The following CDKAL1 variants were observed in gnomAD, a reference collection of about 807,000 sequenced individuals.
CDKAL1 encodes the protein threonylcarbamoyladenosine tRNA methylthiotransferase.
In CDKAL1, 32 loss-of-function variants were observed where a neutral mutation model predicts 68.2. The observed-to-expected ratio is 0.47, with a 90% CI of 0.35 to 0.63. The LOEUF (loss-of-function observed/expected upper bound fraction) is 0.63. Among genes scored for constraint, CDKAL1 ranks in the 30% least tolerant of loss-of-function variants. The probability of loss-of-function intolerance (pLI) is 0.00; values close to 1 mark genes in which losing one functional copy is unlikely to be tolerated. For missense variants in CDKAL1, 606 were observed against 696.7 expected (o/e 0.87, Z 1.47); for synonymous variants, 234 against 244.3 (o/e 0.96, Z 0.39).
At chr6:20,647,881 T>C (rs1019262654) in intron 4 of CDKAL1, among the ~76,000 whole-genome samples, 1 of 151,714 alleles carries the variant, frequency 6.6e-6, no homozygotes, top group African/African-American at 2.4e-5. Flanking sequence ...TGATAAATAG[T>C]GTAAGTAGTT....
chr6:20,762,939 T>C (rs1049548865), intron 7 of CDKAL1, among the ~76,000 whole-genome samples: 2 of 152,204 alleles, frequency 1.3e-5, no homozygotes, highest in Non-Finnish European at 2.9e-5. Context: ...CCATGCATGC[T>C]GTACATTATA....
At chr6:20,685,177 C>G (rs1311990374) in intron 5 of CDKAL1, among the ~76,000 whole-genome samples, 1 of 152,114 alleles carries the variant, frequency 6.6e-6, no homozygotes, top group Non-Finnish European at 1.5e-5. Flanking sequence ...TAATTTTTGT[C>G]AAGAATGTAA....
At chr6:21,014,077 A>G (rs534866050) in intron 11 of CDKAL1, among the ~76,000 whole-genome samples, 3 of 152,310 alleles carry the variant, frequency 2.0e-5, no homozygotes, top group South Asian at 4.1e-4. Context: ...AGAAAGAGTT[A>G]AAGAAGTGTG....
chr6:20,746,207 A>G (rs969661183), intron 6 of CDKAL1, among the ~76,000 whole-genome samples: 2 of 152,096 alleles, frequency 1.3e-5, no homozygotes. Flanking sequence ...AGTTATTTTT[A>G]TCTCTAACTC....
chr6:20,627,956 A>G (rs1489095495), intron 4 of CDKAL1, among the ~76,000 whole-genome samples: 1 of 152,154 alleles, frequency 6.6e-6, no homozygotes, highest in East Asian at 1.9e-4. Context: ...ACCTTGCAGA[A>G]GTCACTTTAT....
chr6:20,742,959 T>C (rs1773520816), intron 6 of CDKAL1, among the ~76,000 whole-genome samples: 1 of 152,126 alleles, frequency 6.6e-6, no homozygotes, highest in South Asian at 2.1e-4. Context: ...AACAAAATTA[T>C]CTAAGTTTTA....
At chr6:20,908,381 A>G (rs1001593919) in intron 9 of CDKAL1, among the ~76,000 whole-genome samples, 4 of 152,226 alleles carry the variant, frequency 2.6e-5, no homozygotes, top group Non-Finnish European at 5.9e-5. Flanking sequence ...CATTGATTAA[A>G]AATGTCACAT....
chr6:20,758,446 G>A, intron 6 of CDKAL1, 149 bp from the exon 7 acceptor site: 1 of 585,758 alleles, frequency 1.7e-6, no homozygotes, highest in Non-Finnish European at 3.0e-6. Context: ...ATTAATATAG[G>A]ATATTTTTTA....
intron 9 of CDKAL1, among the ~76,000 whole-genome samples, chr6:20,876,555 T>C (rs1760528604): frequency 6.6e-6 from 1 of 152,202 alleles, no homozygotes; most frequent in African/African-American, 2.4e-5. Flanking sequence ...GTTAATATTT[T>C]TTCTTTGTGT....
intron 13 of CDKAL1, among the ~76,000 whole-genome samples, chr6:21,150,537 C>G (rs2446483): frequency 2.6e-5 from 4 of 152,160 alleles, no homozygotes; most frequent in Admixed American, 2.6e-4. Flanking sequence ...CAAATATAGC[C>G]AAAGCCTCCA....
chr6:20,580,153 A>AT (rs2127688140), intron 4 of CDKAL1, among the ~76,000 whole-genome samples: 1 of 152,284 alleles, frequency 6.6e-6, no homozygotes. Flanking sequence ...TTATTACCAC[A>AT]TGAGGTCCTG....
chr6:21,225,021 C>T (rs947916546), intron 15 of CDKAL1, among the ~76,000 whole-genome samples: 3 of 152,136 alleles, frequency 2.0e-5, no homozygotes, highest in South Asian at 2.1e-4. Flanking sequence ...ATTCAGCTAA[C>T]ACTGGCCCCT....
intron 15 of CDKAL1, among the ~76,000 whole-genome samples, chr6:21,219,705 G>A (rs954690585): frequency 9.9e-5 from 15 of 152,166 alleles, no homozygotes; most frequent in African/African-American, 3.4e-4. Flanking sequence ...ATGATACTAA[G>A]AACAGGATGA....
chr6:21,018,994 G>C (rs376496625), intron 11 of CDKAL1, among the ~76,000 whole-genome samples: 10 of 152,116 alleles, frequency 6.6e-5, no homozygotes, highest in African/African-American at 1.9e-4. Context: ...CTGTCACCCA[G>C]GCTGGAATGT....
At chr6:20,921,469 G>C (rs530815558) in intron 9 of CDKAL1, among the ~76,000 whole-genome samples, 3 of 152,148 alleles carry the variant, frequency 2.0e-5, no homozygotes, top group African/African-American at 4.8e-5. Context: ...ATGAACTAAG[G>C]CTCGAGAGGT....
chr6:21,044,761 C>T (rs1345455611), intron 11 of CDKAL1, among the ~76,000 whole-genome samples: 1 of 151,630 alleles, frequency 6.6e-6, no homozygotes, highest in East Asian at 1.9e-4. Flanking sequence ...ACATATCCCC[C>T]TTCCTTCTCA....
At chr6:20,992,196 T>TA (rs1554155229) in intron 10 of CDKAL1, among the ~76,000 whole-genome samples, 2 of 141,100 alleles carry the variant, frequency 1.4e-5, no homozygotes, top group African/African-American at 5.8e-5. Context: ...GTCAGCTTTT[T>TA]TATATATATA....
At chr6:20,776,666 A>C (rs2150369131) in intron 7 of CDKAL1, among the ~76,000 whole-genome samples, 1 of 152,312 alleles carries the variant, frequency 6.6e-6, no homozygotes, top group South Asian at 2.1e-4. Flanking sequence ...TGGCATGAGG[A>C]GGTCAACAAA....
intron 11 of CDKAL1, among the ~76,000 whole-genome samples, chr6:21,042,213 T>C (rs902080801): frequency 1.3e-5 from 2 of 152,220 alleles, no homozygotes; most frequent in East Asian, 1.9e-4. Context: ...ATAAATCCCA[T>C]GTATTGGTCT....
Sources: gnomAD v4.1 joint callset for allele counts (sites outside exome capture counted in the v4.1 genomes callset) on GRCh38, gnomAD v4.1.1 for gene constraint, MANE v1.5 for transcripts, NCBI Gene and HGNC (gene_info 2026-07-23, HGNC 2026-07-21) for gene names.